PLA2G4B: variants seen among roughly 807,000 people sequenced by gnomAD.
PLA2G4B encodes the protein cytosolic phospholipase A2 beta.
Under a neutral mutation model 95.8 loss-of-function variants are expected in PLA2G4B, and 122 were observed. The observed-to-expected ratio is 1.27, with a 90% CI of 1.10 to 1.48. The LOEUF (loss-of-function observed/expected upper bound fraction) is 1.48, where lower values mean the gene tolerates loss of function less well. Among genes scored for constraint, PLA2G4B ranks in the 40% most tolerant of loss-of-function variants. The pLI is 0.00. For synonymous variants in PLA2G4B, 518 were observed against 421.5 expected (o/e 1.23, Z -2.80); for missense variants, 1,158 against 996.2 (o/e 1.16, Z -2.19).
In PLA2G4B at chr15:41,840,613, C is replaced by A. The variant is rs747081647; in HGVS notation, c.172C>A (p.Pro58Thr). 8 of 1,614,022 alleles carry A rather than the reference C, an allele frequency of 5.0e-6. No individual in the cohort carries two copies. The highest frequency in any genetic ancestry group is 6.8e-6 in the Non-Finnish European group (8 of 1,180,014). Reference protein sequence around the residue: ...QTRTVKNSSSPVWNQSFHFRI... With the variant: ...QTRTVKNSSSTVWNQSFHFRI... ...ACGCACGGTCAAGAACAGCAGTAGC[C>A]CTGTCTGGAACCAGAGCTTTCACTT... Residue 58 changes from proline to threonine, a missense_variant, in exon 3 of 20, where the codon CCT (proline) becomes ACT (threonine). Transcript: ENST00000458483.
At position 41,846,303 on chromosome 15, in the gene PLA2G4B, C is replaced by G. The variant is rs1219773114; in HGVS notation, c.1701C>G (p.Ala567=). 1.2e-6 allele frequency: 2 copies of G among 1,613,810 alleles called. No homozygotes were observed. Among genetic ancestry groups the G allele is most frequent in the South Asian group, 2.2e-5 (2 of 91,084 alleles). ...FTDLLTWRPL[A]QATHNFLRGL... ...ATCTTCTGACGTGGCGTCCACTGGC[C>G]CAGGCCACACATAATTTCCTGCGTG... Residue 567 remains alanine, a synonymous_variant, in exon 17 of 20, where the codon GCC becomes GCG. Coordinates refer to ENST00000458483, the MANE Select transcript of PLA2G4B (RefSeq NM_001114633.2).
chr15:41,841,624 C>G, intron 7 of PLA2G4B, 53 bp downstream of exon 7: 4 of 1,611,952 alleles, frequency 2.5e-6, no homozygotes, highest in South Asian at 1.1e-5. Flanking sequence ...TTGTCTTCCC[C>G]CTTTAAGCAT....
Position 41,846,245 on chromosome 15 carries a change from C to T in PLA2G4B, c.1643C>T (p.Ser548Leu), listed in dbSNP as rs148940055. ...VPLLKIEEPP[S>L]TAGRIAEFFT... ...CTTCTGAAGATAGAAGAACCACCCT[C>T]AACAGCCGGCAGGATAGCTGAGTTT... Residue 548 changes from serine to leucine, a missense_variant, in exon 17 of 20, where the codon TCA becomes TTA. By Grantham distance (145) the Ser-to-Leu change is moderately radical (BLOSUM62 -2). Transcript: ENST00000458483. 2.4e-5 allele frequency: 39 copies of T among 1,613,966 alleles called. No homozygotes were observed. The highest frequency in any genetic ancestry group is 4.0e-5 in the African/African-American group (3 of 74,950).
At chr15:41,846,568 T>C in intron 17 of PLA2G4B, 101 bp from the exon 18 acceptor site, 1 of 1,519,592 alleles carries the variant, frequency 6.6e-7, no homozygotes, top group Non-Finnish European at 8.8e-7. Flanking sequence ...GGGGTGTTGG[T>C]TCAGCAGGAG....
rs754121799 is a variant in PLA2G4B, at chr15:41,847,489, G to C, written c.2100G>C (p.Leu700=). 1 of 1,609,950 alleles carries C rather than the reference G, an allele frequency of 6.2e-7. No individual in the cohort carries two copies. The highest frequency in any genetic ancestry group is 2.2e-5 in the East Asian group (1 of 44,762). The stretch of plus-strand genomic sequence containing the variant: ...CCCCTGCGGTGCTGCACTTTCCTCT[G>C]GTCAGCGACTCCTTCCGGGAGTACT... ...PGAPAVLHFP[L]VSDSFREYSA... is the part of the protein sequence containing the mutation. The change falls in exon 19 of 20, where the codon CTG becomes CTC. Residue 700 remains leucine, a synonymous_variant. Coordinates refer to ENST00000458483, the MANE Select transcript of PLA2G4B (RefSeq NM_001114633.2).
At position 41,841,923 on chromosome 15, in the gene PLA2G4B, G is replaced by A; in HGVS notation, c.595G>A (p.Glu199Lys). 6.2e-7 allele frequency: 1 copy of A among 1,612,922 alleles called. No homozygotes were observed. The highest frequency in any genetic ancestry group is 1.3e-5 in the African/African-American group (1 of 75,002). Residue 199 changes from glutamate (E) to lysine (K), a missense_variant, in exon 8 of 20, where the codon GAG (glutamate) becomes AAG (lysine). Glu to Lys is a moderately conservative substitution (Grantham distance 56). Coordinates refer to ENST00000458483, the MANE Select transcript of PLA2G4B (RefSeq NM_001114633.2). ...TFRFHCPACW[E>K]QELSIRLQDA... is the part of the protein sequence containing the mutation. The stretch of plus-strand genomic sequence containing the variant: ...CCGCTTCCACTGCCCAGCCTGCTGG[G>A]AGCAGGAGCTGAGTATTCGCCTGCA...
In PLA2G4B at chr15:41,847,865, C is replaced by G. The variant is rs749975704; in HGVS notation, c.*5C>G. ...CGGCAGCGCAGGCCCCACTGATGGCCGGGGCCCCTGCCACCCCTAACTCTC... is the reference window on the plus strand; with the variant it reads ...CGGCAGCGCAGGCCCCACTGATGGCGGGGGCCCCTGCCACCCCTAACTCTC... On this transcript the variant is annotated 3_prime_UTR_variant, in exon 20 of 20. Transcript: ENST00000458483. 5.0e-6 allele frequency: 8 copies of G among 1,610,900 alleles called. No homozygotes were observed. The African/African-American group carries it at 1.1e-4, about 22-fold the overall frequency.
intron 5 of PLA2G4B, 36 bp from the exon 6 acceptor site, chr15:41,841,195 G>A (rs1567169286): frequency 6.2e-7 from 1 of 1,613,970 alleles, no homozygotes; most frequent in Non-Finnish European, 8.5e-7. Flanking sequence ...TGGGAACCTG[G>A]ACTCCTGCTA....
intron 1 of PLA2G4B, 166 bp from the exon 2 acceptor site, chr15:41,839,992 A>T: frequency 1.3e-6 from 1 of 761,004 alleles, no homozygotes; most frequent in Non-Finnish European, 2.1e-6. Context: ...AGGCGTCATG[A>T]TGGAGATATC....
At position 41,845,978 on chromosome 15, in the gene PLA2G4B, G is replaced by A. The variant is rs1331449957; in HGVS notation, c.1531G>A (p.Asp511Asn). 2 of 1,519,412 alleles carry A rather than the reference G, an allele frequency of 1.3e-6. No individual in the cohort carries two copies. Among genetic ancestry groups the A allele is most frequent in the Non-Finnish European group, 1.8e-6 (2 of 1,134,850 alleles). The allele number at this position is 1,519,412 out of a possible 1,614,324, so 94.1% of individuals were successfully genotyped here. The change falls in exon 16 of 20, where the codon GAC (aspartate) becomes AAC (asparagine). Residue 511 changes from aspartate (D) to asparagine (N), a missense_variant. Physicochemically the swap from Asp to Asn is conservative, Grantham distance 23. Coordinates refer to ENST00000458483, the MANE Select transcript of PLA2G4B (RefSeq NM_001114633.2). ...CAACCTGTATGCAGCCAACCTCCAG[G>A]ACAGCTTATACTGGGCCTCAGAGCC... is the stretch of plus-strand genomic sequence containing the variant. Reference protein sequence around the residue: ...WSNLYAANLQDSLYWASEPSQ... With the variant: ...WSNLYAANLQNSLYWASEPSQ...
At position 41,842,609 on chromosome 15, in the gene PLA2G4B, G is replaced by C; in HGVS notation, c.743+18G>C. 1 of 1,608,608 alleles carries C rather than the reference G, an allele frequency of 6.2e-7. No homozygotes were observed. The highest frequency in any genetic ancestry group is 8.5e-7 in the Non-Finnish European group (1 of 1,178,356). ...GAAGCAGGGTGAGAGGCCTGGCTGG[G>C]GACTGGGCAAGGCCCTGGAAAACAA... On this transcript the variant is annotated intron_variant, in intron 10 of 19. Coordinates refer to ENST00000458483, the MANE Select transcript of PLA2G4B (RefSeq NM_001114633.2).
chr15:41,841,832 A>G lies in PLA2G4B; in HGVS notation c.504A>G (p.Arg168=), dbSNP rs1220466820. 3 of 1,613,390 alleles carry G rather than the reference A, an allele frequency of 1.9e-6. No individual in the cohort carries two copies. Among genetic ancestry groups the G allele is most frequent in the African/African-American group, 2.7e-5 (2 of 74,884 alleles). ...TCCTGTTTCCAGCCTCAGAGCACAG[A>G]GTTCAGCTTGTGGTTCCTGGGTCCT... The part of the protein sequence containing the change: ...ETGDQKSSEH[R]VQLVVPGSCE... The change falls in exon 8 of 20, where the codon AGA becomes AGG. Residue 168 remains arginine, a synonymous_variant. Coordinates refer to ENST00000458483, the MANE Select transcript of PLA2G4B (RefSeq NM_001114633.2).
In PLA2G4B at chr15:41,844,924, C is replaced by A. The variant is rs918221823; in HGVS notation, c.1093C>A (p.Gln365Lys). The A allele has an allele frequency of 6.2e-7, 1 of 1,612,584 alleles. No individual in the cohort carries two copies. Among genetic ancestry groups the A allele is most frequent in the Non-Finnish European group, 8.5e-7 (1 of 1,179,486 alleles). The stretch of plus-strand genomic sequence containing the variant: ...AGGGCCCACTGAGTTGCTGAAGACC[C>A]AGGTGACCAAGAACAAGCTGGGTGT... ...LAGPTELLKT[Q>K]VTKNKLGVLA... Residue 365 changes from glutamine (Q) to lysine (K), a missense_variant, in exon 13 of 20, where the codon CAG becomes AAG. Gln to Lys is a moderately conservative substitution (Grantham distance 53). Transcript: ENST00000458483.
At chr15:41,843,554 A>G in intron 10 of PLA2G4B, 122 bp from the exon 11 acceptor site, 1 of 1,489,870 alleles carries the variant, frequency 6.7e-7, no homozygotes, top group Non-Finnish European at 9.0e-7. Flanking sequence ...GTGACACGGG[A>G]GTGGCATTGA....
chr15:41,841,198 T>TC (rs1567169290), intron 5 of PLA2G4B, 33 bp from the exon 6 acceptor site: 1 of 1,613,956 alleles, frequency 6.2e-7, no homozygotes, highest in East Asian at 2.2e-5. Context: ...GAACCTGGAC[T>TC]CCTGCTAAGG....
intron 14 of PLA2G4B, 153 bp from the exon 15 acceptor site, chr15:41,845,485 A>C: frequency 6.9e-7 from 1 of 1,454,178 alleles, no homozygotes. Flanking sequence ...TTTGGGAAGG[A>C]GGCAGGGGCC....
intron 1 of PLA2G4B, 63 bp from the exon 2 acceptor site, chr15:41,840,095 G>A: frequency 6.3e-7 from 1 of 1,578,696 alleles, no homozygotes; most frequent in Non-Finnish European, 8.6e-7. Flanking sequence ...AGCCTCCTTT[G>A]TGGCCCCTGT....
rs1567172703 is a variant in PLA2G4B, at chr15:41,846,224, TGAAGATA to T, written c.1628_1634del (p.Ile543AsnfsTer9). ...GTAGACAAGGAGCAGGTCCCCCTTCTGAAGATAGAAGAACCACCCTCAACAGCCGGCA... is the reference window on the plus strand; with the variant it reads ...GTAGACAAGGAGCAGGTCCCCCTTCTGAAGAACCACCCTCAACAGCCGGCA... On this transcript the variant is annotated frameshift_variant, in exon 17 of 20. Transcript: ENST00000458483. LOFTEE classifies it high-confidence loss of function. The T allele has an allele frequency of 1.2e-6, 2 of 1,614,014 alleles. No individual in the cohort carries two copies. Among genetic ancestry groups the T allele is most frequent in the South Asian group, 2.2e-5 (2 of 91,086 alleles).
chr15:41,846,950 C>T, intron 18 of PLA2G4B, 115 bp downstream of exon 18: 1 of 1,350,564 alleles, frequency 7.4e-7, no homozygotes, highest in East Asian at 2.4e-5. Context: ...GTGATTGGGA[C>T]ACTGGAATCT....
Sources: gnomAD v4.1 joint callset for allele counts on GRCh38, gnomAD v4.1.1 for gene constraint, MANE v1.5 for transcripts, NCBI Gene and HGNC (gene_info 2026-07-23, HGNC 2026-07-21) for gene names.